Variants in EGFR observed in about 807,000 individuals in gnomAD.
EGFR encodes avian erythroblastic leukemia viral (v-erb-b) oncogene homolog.
EGFR carries 58 observed loss-of-function variants against 143.0 expected under a neutral mutation model. The observed-to-expected ratio is 0.41, with a 90% CI of 0.33 to 0.50. The LOEUF (loss-of-function observed/expected upper bound fraction) is 0.50. EGFR is among the 20% of genes least tolerant of loss of function. The probability of loss-of-function intolerance (pLI) is 0.39; values close to 1 mark genes in which losing one functional copy is unlikely to be tolerated. For missense variants in EGFR, 1,307 were observed against 1,579.0 expected (o/e 0.83, Z 2.92); for synonymous variants, 613 against 594.4 (o/e 1.03, Z -0.45).
intron 1 of EGFR, among the ~76,000 whole-genome samples, chr7:55,078,470 G>A (rs1242940044): frequency 6.6e-6 from 1 of 152,232 alleles, no homozygotes; most frequent in Non-Finnish European, 1.5e-5. Flanking sequence ...ACCCTGGGAT[G>A]CCTCGGTGCA....
In EGFR at chr7:55,146,695, T is replaced by C. The variant is rs1794781796; in HGVS notation, c.514T>C (p.Phe172Leu). ...IQWRDIVSSD[F>L]LSNMSMDFQN... ...GTGGCGGGACATAGTCAGCAGTGAC[T>C]TTCTCAGCAACATGTCGATGGACTT... The change falls in exon 4 of 28, where the codon TTT (phenylalanine) becomes CTT (leucine). Residue 172 changes from phenylalanine (F) to leucine (L), a missense_variant. Coordinates refer to ENST00000275493, the MANE Select transcript of EGFR (RefSeq NM_005228.5). 1.9e-6 allele frequency: 3 copies of C among 1,614,158 alleles called. No individual in the cohort carries two copies. Among genetic ancestry groups the C allele is most frequent in the Non-Finnish European group, 2.5e-6 (3 of 1,180,030 alleles).
intron 4 of EGFR, among the ~76,000 whole-genome samples, chr7:55,150,019 A>T (rs1008166896): frequency 3.3e-5 from 5 of 152,200 alleles, no homozygotes; most frequent in African/African-American, 1.2e-4. Context: ...TCTATTATCC[A>T]TATTTTATAC....
At chr7:55,158,641 G>C (rs1785545945) in intron 11 of EGFR, among the ~76,000 whole-genome samples, 1 of 152,220 alleles carries the variant, frequency 6.6e-6, no homozygotes, top group South Asian at 2.1e-4. Flanking sequence ...AGTTGGCTTA[G>C]TTGTAGGGAT....
intron 1 of EGFR, among the ~76,000 whole-genome samples, chr7:55,051,776 C>T (rs748808161): frequency 1.3e-5 from 2 of 152,162 alleles, no homozygotes; most frequent in Non-Finnish European, 2.9e-5. Context: ...GGTCATGCCA[C>T]CCTATCACCC....
At chr7:55,176,157 T>G (rs1786581829) in intron 19 of EGFR, among the ~76,000 whole-genome samples, 1 of 152,242 alleles carries the variant, frequency 6.6e-6, no homozygotes, top group African/African-American at 2.4e-5. Flanking sequence ...CACAATTTGC[T>G]TCCTTAATTC....
intron 15 of EGFR, among the ~76,000 whole-genome samples, chr7:55,166,117 C>T (rs1160742237): frequency 6.6e-6 from 1 of 152,096 alleles, no homozygotes; most frequent in Admixed American, 6.5e-5. Context: ...CGCCACTGCA[C>T]TCCAGCCTGA....
intron 1 of EGFR, among the ~76,000 whole-genome samples, chr7:55,027,937 C>T (rs1786989120): frequency 7.3e-6 from 1 of 137,470 alleles, no homozygotes; most frequent in Admixed American, 7.9e-5. Flanking sequence ...GAGTGGAGTA[C>T]AGCTGCTGAC....
At chr7:55,108,534 T>A (rs1335540057) in intron 1 of EGFR, among the ~76,000 whole-genome samples, 1 of 152,200 alleles carries the variant, frequency 6.6e-6, no homozygotes, top group Non-Finnish European at 1.5e-5. Context: ...ACATGCTACA[T>A]TTTCAGAAGT....
At position 55,109,807 on chromosome 7, in the gene EGFR, A is replaced by C. The variant is rs930669758; in HGVS notation, c.89-32479A>C. The C allele has an allele frequency of 8.1e-6, 8 of 985,286 alleles. No individual in the cohort carries two copies. The African/African-American group carries it at 1.4e-4, about 17-fold the overall frequency. The allele number at this position is 985,286 out of a possible 1,614,324, so 61.0% of individuals were successfully genotyped here. On this transcript the variant is annotated intron_variant, in intron 1 of 27. Coordinates refer to ENST00000275493, the MANE Select transcript of EGFR (RefSeq NM_005228.5). ...TTCAGCAAATGAAAACAAAAATATA[A>C]AGCCCATCTCCTTTTGAATGAGCTC... is the stretch of plus-strand genomic sequence containing the variant.
intron 1 of EGFR, among the ~76,000 whole-genome samples, chr7:55,115,947 T>A (rs766987391): frequency 5.3e-5 from 8 of 152,200 alleles, no homozygotes; most frequent in Non-Finnish European, 8.8e-5. Flanking sequence ...ATGCTTCCCA[T>A]GTAACTGGAG....
chr7:55,082,931 G>A (rs1790545624), intron 1 of EGFR, among the ~76,000 whole-genome samples: 1 of 152,120 alleles, frequency 6.6e-6, no homozygotes, highest in Non-Finnish European at 1.5e-5. Flanking sequence ...TCCTTGCCTT[G>A]TAGATGCAAA....
At chr7:55,129,189 A>C (rs1244722110) in intron 1 of EGFR, among the ~76,000 whole-genome samples, 2 of 152,244 alleles carry the variant, frequency 1.3e-5, no homozygotes, top group African/African-American at 2.4e-5. Context: ...TGGGGACTAC[A>C]GAAGCCAAGA....
chr7:55,177,112 T>C (rs1786632996), intron 19 of EGFR, among the ~76,000 whole-genome samples: 1 of 151,992 alleles, frequency 6.6e-6, no homozygotes, highest in South Asian at 2.1e-4. Flanking sequence ...TCTCCAATGA[T>C]GGATGTCATG....
intron 20 of EGFR, among the ~76,000 whole-genome samples, chr7:55,188,120 A>G (rs1787223936): frequency 1.3e-5 from 2 of 152,198 alleles, no homozygotes; most frequent in African/African-American, 2.4e-5. Flanking sequence ...CTTGCTTTAA[A>G]TAAATACTTC....
intron 16 of EGFR, 21 bp downstream of exon 16, chr7:55,171,234 G>A (rs1430971636): frequency 1.2e-6 from 2 of 1,614,190 alleles, no homozygotes; most frequent in Non-Finnish European, 1.7e-6. Flanking sequence ...ACAGCTCTGT[G>A]TCACATGGAC....
chr7:55,042,102 A>G (rs1032907081), intron 1 of EGFR, among the ~76,000 whole-genome samples: 7 of 152,230 alleles, frequency 4.6e-5, no homozygotes, highest in African/African-American at 1.7e-4. Flanking sequence ...ATTAAAAGAA[A>G]TGATTATTTT....
At position 55,173,911 on chromosome 7, in the gene EGFR, TC is replaced by T. The variant is rs770889681; in HGVS notation, c.2062-3del. On this transcript the variant is annotated splice_polypyrimidine_tract_variant and intron_variant, in intron 17 of 27. Transcript: ENST00000275493. ...GGTGACCCTTGTCTCTGTGTTCTTG[TC>T]CCCCCCAGCTTGTGGAGCCTCTTAC... is the stretch of plus-strand genomic sequence containing the variant. 6.2e-7 allele frequency: 1 copy of T among 1,613,952 alleles called. No individual in the cohort carries two copies. Among genetic ancestry groups the T allele is most frequent in the Non-Finnish European group, 8.5e-7 (1 of 1,179,974 alleles).
rs1188823834 is a variant in EGFR, at chr7:55,161,512, G to C, written c.1512G>C (p.Gln504His). The C allele has an allele frequency of 1.4e-5, 22 of 1,613,998 alleles. No individual in the cohort carries two copies. The highest frequency in any genetic ancestry group is 1.9e-5 in the Non-Finnish European group (22 of 1,180,040). The change falls in exon 13 of 28, where the codon CAG (glutamine) becomes CAC (histidine). Residue 504 changes from glutamine to histidine, a missense_variant. Transcript: ENST00000275493. ...RGENSCKATG[Q>H]VCHALCSPEG... ...CTGTCTCCGCAGAGGCCACAGGCCA[G>C]GTCTGCCATGCCTTGTGCTCCCCCG...
chr7:55,027,660 A>G (rs148799747), intron 1 of EGFR, among the ~76,000 whole-genome samples: 2 of 152,322 alleles, frequency 1.3e-5, no homozygotes, highest in African/African-American at 2.4e-5. Context: ...TGTGTTATGA[A>G]TAAGTAAAAT....
Sources: allele counts gnomAD v4.1 joint callset (sites outside exome capture counted in the v4.1 genomes callset), GRCh38; gene constraint gnomAD v4.1.1; transcripts MANE v1.5; gene names NCBI Gene and HGNC (gene_info 2026-07-23, HGNC 2026-07-21).